The following KCNN2 variants were observed in gnomAD, a reference collection of about 807,000 sequenced individuals.
KCNN2 encodes small conductance calcium-activated potassium channel protein 2.
Under a neutral mutation model 55.5 loss-of-function variants are expected in KCNN2, and 24 were observed. The ratio of observed to expected loss-of-function variants is 0.43; its 90% CI spans 0.31 to 0.61. KCNN2 has a LOEUF of 0.61. Among genes scored for constraint, KCNN2 ranks in the 20% least tolerant of loss-of-function variants. The pLI is 0.08. For missense variants in KCNN2, 754 were observed against 853.6 expected, an observed-to-expected ratio of 0.88 and a Z score of 1.45; for synonymous variants, 431 against 336.1, an observed-to-expected ratio of 1.28 and a Z score of -3.09.
At chr5:114,094,608 T>A (rs1019110122) in intron 1 of KCNN2, among the ~76,000 whole-genome samples, 1 of 152,232 alleles carries the variant, frequency 6.6e-6, no homozygotes, top group Non-Finnish European at 1.5e-5. Context: ...AAAGTGATTT[T>A]TCAAAGGTTA....
At chr5:114,303,205 T>G (rs1241987682) in intron 2 of KCNN2, among the ~76,000 whole-genome samples, 1 of 152,204 alleles carries the variant, frequency 6.6e-6, no homozygotes, top group East Asian at 1.9e-4. Flanking sequence ...CTTTCCTACT[T>G]GGTATCAGAC....
At chr5:114,128,186 G>T (rs1051488712) in intron 1 of KCNN2, among the ~76,000 whole-genome samples, 4 of 152,060 alleles carry the variant, frequency 2.6e-5, no homozygotes, top group African/African-American at 7.2e-5. Flanking sequence ...TTCTGTTCTA[G>T]TTCTGCTAAT....
At chr5:114,422,472 C>G (rs1759499215) in intron 3 of KCNN2, among the ~76,000 whole-genome samples, 1 of 152,056 alleles carries the variant, frequency 6.6e-6, no homozygotes, top group Admixed American at 6.5e-5. Context: ...GACTTCTCAG[C>G]CTTGAGAACT....
intron 1 of KCNN2, among the ~76,000 whole-genome samples, chr5:114,091,223 T>C (rs1039925584): frequency 3.9e-5 from 6 of 152,116 alleles, no homozygotes; most frequent in Non-Finnish European, 7.4e-5. Context: ...CAGTCAAAAT[T>C]AACCACCCTC....
At chr5:114,261,446 G>A (rs1377347361) in intron 2 of KCNN2, among the ~76,000 whole-genome samples, 1 of 152,170 alleles carries the variant, frequency 6.6e-6, no homozygotes, top group Non-Finnish European at 1.5e-5. Flanking sequence ...AAGGAAGGCT[G>A]ATTTTGCCAT....
At chr5:114,208,224 G>T (rs1048049476) in intron 1 of KCNN2, among the ~76,000 whole-genome samples, 1 of 152,138 alleles carries the variant, frequency 6.6e-6, no homozygotes, top group African/African-American at 2.4e-5. Flanking sequence ...ACTTCATTTG[G>T]ATCCTGAAAT....
chr5:114,439,082 A>G, intron 3 of KCNN2, among the ~76,000 whole-genome samples: 1 of 152,234 alleles, frequency 6.6e-6, no homozygotes, highest in Non-Finnish European at 1.5e-5. Context: ...CATATTCAGT[A>G]AAATGATAGA....
intron 1 of KCNN2, among the ~76,000 whole-genome samples, chr5:114,160,890 A>C (rs1451593192): frequency 6.6e-6 from 1 of 151,954 alleles, no homozygotes; most frequent in Non-Finnish European, 1.5e-5. Flanking sequence ...TTTTGAGCCT[A>C]TGTGTGTCTC....
chr5:114,320,789 T>C (rs754691271), intron 2 of KCNN2, among the ~76,000 whole-genome samples: 4 of 152,184 alleles, frequency 2.6e-5, no homozygotes, highest in Non-Finnish European at 4.4e-5. Context: ...ATAGAGATAG[T>C]GACAGGTAAA....
rs536925366 is a variant in KCNN2 at position 114,070,386 on chromosome 5, C to T, written c.-271+13886C>T. 3.0e-3 allele frequency among the ~76,000 whole-genome samples: 463 copies of T among 152,306 alleles called. 2 individuals carry two copies. The highest frequency in any genetic ancestry group is 0.01 in the African/African-American group (428 of 41,568). On this transcript the variant is annotated intron_variant, in intron 1 of 10. Transcript: ENST00000512097. ...ACTCCATTACTTAATATTTTTTCAA[C>T]GAGCCATGCCTTTACCTGAGCTATT...
At chr5:114,142,274 T>G (rs1164430243) in intron 1 of KCNN2, among the ~76,000 whole-genome samples, 2 of 152,316 alleles carry the variant, frequency 1.3e-5, no homozygotes, top group Admixed American at 6.5e-5. Flanking sequence ...GGTCTAACGT[T>G]TAAGTCTTTA....
At chr5:114,131,973 T>A (rs781688482) in intron 1 of KCNN2, among the ~76,000 whole-genome samples, 7 of 152,100 alleles carry the variant, frequency 4.6e-5, no homozygotes, top group Non-Finnish European at 7.4e-5. Context: ...TTTAATGGGG[T>A]TGTTTGTTTT....
chr5:114,277,276 C>T (rs1296086945), intron 2 of KCNN2, among the ~76,000 whole-genome samples: 2 of 152,078 alleles, frequency 1.3e-5, no homozygotes, highest in Non-Finnish European at 2.9e-5. Context: ...AACATTTTTT[C>T]CTTCATTTCA....
At chr5:114,281,625 C>CTCTG (rs1432093902) in intron 2 of KCNN2, among the ~76,000 whole-genome samples, 93 of 145,496 alleles carry the variant, frequency 6.4e-4, no homozygotes, top group African/African-American at 1.8e-3. Flanking sequence ...CCCTCCATCT[C>CTCTG]TGTGTGTGTG....
chr5:114,207,780 C>T (rs1322140297), intron 1 of KCNN2, among the ~76,000 whole-genome samples: 2 of 152,210 alleles, frequency 1.3e-5, no homozygotes, highest in African/African-American at 4.8e-5. Context: ...TGATATTCAT[C>T]TCTCCAGTAA....
chr5:114,130,099 A>G (rs1396410570), intron 1 of KCNN2, among the ~76,000 whole-genome samples: 2 of 152,232 alleles, frequency 1.3e-5, no homozygotes, highest in African/African-American at 4.8e-5. Context: ...AGCTCCTGCT[A>G]TCATTTAAGA....
At chr5:114,109,988 T>C (rs2112581402) in intron 1 of KCNN2, among the ~76,000 whole-genome samples, 1 of 152,156 alleles carries the variant, frequency 6.6e-6, no homozygotes, top group South Asian at 2.1e-4. Flanking sequence ...CCTCCCCTCA[T>C]GAATGAGATT....
rs1009541643 is a variant in KCNN2 at position 114,365,903 on chromosome 5, C to T, written c.1218+1902C>T. Among the ~76,000 whole-genome samples, 32 of 149,592 alleles carry T rather than the reference C, an allele frequency of 2.1e-4. 1 individual carries two copies. The highest frequency in any genetic ancestry group is 7.8e-4 in the African/African-American group (32 of 40,894). On this transcript the variant is annotated intron_variant, in intron 2 of 7. Transcript: ENST00000673685. ...TATTGCCTGTTCCTTGTGAAAATCACACAGCTAAAGAAACATTCATGGGGG... is the reference window on the plus strand; with the variant it reads ...TATTGCCTGTTCCTTGTGAAAATCATACAGCTAAAGAAACATTCATGGGGG...
chr5:114,444,228 C>T (rs1760317092), intron 3 of KCNN2, among the ~76,000 whole-genome samples: 1 of 152,064 alleles, frequency 6.6e-6, no homozygotes, highest in South Asian at 2.1e-4. Flanking sequence ...TTGAGCAAGA[C>T]AGAGACCACT....
Sources: allele counts gnomAD v4.1 joint callset (sites outside exome capture counted in the v4.1 genomes callset), GRCh38; gene constraint gnomAD v4.1.1; transcripts MANE v1.5; gene names NCBI Gene and HGNC (gene_info 2026-07-23, HGNC 2026-07-21).